Variants in GOLGA4 observed in about 807,000 individuals in gnomAD.
GOLGA4 encodes the protein golgin subfamily A member 4.
GOLGA4 carries 169 observed loss-of-function variants against 265.9 expected under a neutral mutation model. That is an observed-to-expected ratio of 0.64 (90% CI 0.56 to 0.72). GOLGA4 has a LOEUF of 0.72. Among genes scored for constraint, GOLGA4 ranks in the 30% least tolerant of loss-of-function variants. The pLI is 0.00. For synonymous variants in GOLGA4, 923 were observed against 855.8 expected, an observed-to-expected ratio of 1.08 and a Z score of -1.37; for missense variants, 2,482 against 2,483.4, an observed-to-expected ratio of 1.00 and a Z score of 0.01.
At chr3:37,329,180 GT>G in intron 16 of GOLGA4, 87 bp downstream of exon 16, 12 of 1,108,866 alleles carry the variant, frequency 1.1e-5, no homozygotes, top group South Asian at 1.8e-5. Flanking sequence ...TTTCAAATGT[GT>G]TTTTTGAACG....
chr3:37,359,408 T>C (rs2097098741), intron 22 of GOLGA4, among the ~76,000 whole-genome samples: 1 of 152,196 alleles, frequency 6.6e-6, no homozygotes, highest in South Asian at 2.1e-4. Flanking sequence ...GATTCCTTTG[T>C]TATATGGAAA....
At chr3:37,355,045 T>C in intron 21 of GOLGA4, 56 bp from the exon 22 acceptor site, 1 of 1,008,644 alleles carries the variant, frequency 9.9e-7, no homozygotes, top group Non-Finnish European at 1.6e-6. Flanking sequence ...TCAGAATGGG[T>C]TGAGACTTTA....
chr3:37,313,676 G>A (rs1317682675), intron 10 of GOLGA4, among the ~76,000 whole-genome samples: 1 of 152,092 alleles, frequency 6.6e-6, no homozygotes, highest in African/African-American at 2.4e-5. Flanking sequence ...AATAATGCAT[G>A]TGTGTGTGTG....
Position 37,343,249 on chromosome 3 carries a change from G to A in GOLGA4, c.6472+3050G>A, listed in dbSNP as rs183387033. Among the ~76,000 whole-genome samples the A allele has an allele frequency of 6.6e-3, 999 of 152,376 alleles. 14 individuals are homozygous for A. The highest frequency in any genetic ancestry group is 0.022 in the African/African-American group (933 of 41,594). On this transcript the variant is annotated intron_variant, in intron 20 of 23. Coordinates refer to ENST00000361924, the MANE Select transcript of GOLGA4 (RefSeq NM_002078.5). Reference sequence around the variant, plus strand: ...CAATTCTCCTGCCTCAGCCTCCCGAGTAGCTGGGATTATAGGCATGCGCCT... The same window carrying A: ...CAATTCTCCTGCCTCAGCCTCCCGAATAGCTGGGATTATAGGCATGCGCCT...
intron 2 of GOLGA4, among the ~76,000 whole-genome samples, chr3:37,272,971 A>G (rs967927917): frequency 6.6e-6 from 1 of 152,206 alleles, no homozygotes; most frequent in Non-Finnish European, 1.5e-5. Context: ...TTGGCATACC[A>G]ACAGAACAGA....
intron 3 of GOLGA4, 38 bp downstream of exon 3, chr3:37,282,310 TC>T: frequency 6.8e-7 from 1 of 1,471,014 alleles, no homozygotes; most frequent in Non-Finnish European, 9.4e-7. Context: ...AAAAATTTCT[TC>T]CCCTTGTTCT....
chr3:37,321,315 C>A (rs373677609), intron 12 of GOLGA4, among the ~76,000 whole-genome samples: 1 of 152,108 alleles, frequency 6.6e-6, no homozygotes, highest in Non-Finnish European at 1.5e-5. Context: ...TTTGATTTTC[C>A]TTGTGGGGTC....
At chr3:37,302,987 G>A (rs1171124048) in intron 10 of GOLGA4, among the ~76,000 whole-genome samples, 2 of 152,242 alleles carry the variant, frequency 1.3e-5, no homozygotes, top group Non-Finnish European at 2.9e-5. Context: ...TGTGAGTTTT[G>A]AATTGGACCT....
At position 37,323,970 on chromosome 3, in the gene GOLGA4, A is replaced by G. The variant is rs2096962505; in HGVS notation, c.2084A>G (p.Glu695Gly). 6.2e-7 allele frequency: 1 copy of G among 1,613,614 alleles called. No homozygotes were observed. Among genetic ancestry groups the G allele is most frequent in the African/African-American group, 1.3e-5 (1 of 74,982 alleles). Residue 695 changes from glutamate (E) to glycine (G), a missense_variant, in exon 14 of 24, where the codon GAA becomes GGA. Glu to Gly is a moderately conservative substitution (Grantham distance 98). Around this residue, in one of 3 missense-constraint regions of GOLGA4, gnomAD observed 1,536 missense variants for 1,483.7 expected, o/e 1.04. Transcript: ENST00000361924. ...GAATCATTATCTTCTGAACTGTCAG[A>G]AGTATTAAAAGCCCGTCACAAACTA... ...ELESLSSELSEVLKARHKLEE... is the reference protein window; with the variant it reads ...ELESLSSELSGVLKARHKLEE...
chr3:37,286,134 C>CTTTTTTTTTTTTTTTTTTTTTTTTTTTT, intron 4 of GOLGA4, 73 bp downstream of exon 4: 1 of 145,648 alleles, frequency 6.9e-6, no homozygotes, highest in Non-Finnish European at 1.3e-5. Flanking sequence ...TAAGATATTT[C>CTTTTTTTTTTTTTTTTTTTTTTTTTTTT]TTTCTTTTTT....
intron 3 of GOLGA4, among the ~76,000 whole-genome samples, chr3:37,285,663 A>G (rs1437601201): frequency 6.6e-6 from 1 of 152,230 alleles, no homozygotes; most frequent in African/African-American, 2.4e-5. Context: ...TTCTGTTTCA[A>G]GCAAACTTGC....
chr3:37,332,322 T>TA (rs1417551290), intron 16 of GOLGA4, among the ~76,000 whole-genome samples: 1 of 152,056 alleles, frequency 6.6e-6, no homozygotes. Context: ...CTCTTTTGGC[T>TA]AAAAAAAGAT....
At chr3:37,254,476 G>T (rs1578351771) in intron 2 of GOLGA4, among the ~76,000 whole-genome samples, 1 of 151,610 alleles carries the variant, frequency 6.6e-6, no homozygotes, top group African/African-American at 2.4e-5. Context: ...TAATTGTTTT[G>T]TTTTAAAGAT....
intron 10 of GOLGA4, among the ~76,000 whole-genome samples, chr3:37,305,899 C>T (rs1559406451): frequency 6.6e-6 from 1 of 152,152 alleles, no homozygotes; most frequent in Non-Finnish European, 1.5e-5. Flanking sequence ...AGAACGTTCC[C>T]CACTACTTTT....
chr3:37,308,958 T>A (rs2096915066), intron 10 of GOLGA4, among the ~76,000 whole-genome samples: 1 of 151,786 alleles, frequency 6.6e-6, no homozygotes, highest in Admixed American at 6.6e-5. Flanking sequence ...ATTTTTAAAA[T>A]AACAATTATA....
chr3:37,263,514 C>A (rs1246198108), intron 2 of GOLGA4, among the ~76,000 whole-genome samples: 1 of 152,110 alleles, frequency 6.6e-6, no homozygotes, highest in Non-Finnish European at 1.5e-5. Flanking sequence ...GGCCTAACAA[C>A]ACATTTCTCA....
intron 2 of GOLGA4, chr3:37,266,999 T>C (rs2096785538): frequency 1.4e-6 from 1 of 723,388 alleles, no homozygotes; most frequent in East Asian, 6.6e-5. Context: ...AATTTGGCAA[T>C]TGTAGAAGCA....
intron 2 of GOLGA4, among the ~76,000 whole-genome samples, chr3:37,266,595 G>A (rs557707640): frequency 2.7e-4 from 41 of 152,222 alleles, no homozygotes; most frequent in South Asian, 2.5e-3. Context: ...ATGCCAATAA[G>A]CAAGTTGTTC....
intron 10 of GOLGA4, among the ~76,000 whole-genome samples, chr3:37,308,973 G>A (rs141822996): frequency 0.024 from 3,695 of 152,166 alleles, 67 homozygotes; most frequent in Non-Finnish European, 0.034. Context: ...ATTATAGGCC[G>A]GGTGTGGTGG....
Sources: gnomAD v4.1 joint callset for allele counts (sites outside exome capture counted in the v4.1 genomes callset) on GRCh38, gnomAD v4.1.1 for gene constraint, gnomAD v4.1.1 regional missense constraint, MANE v1.5 for transcripts, NCBI Gene and HGNC (gene_info 2026-07-23, HGNC 2026-07-21) for gene names.